AOPEP: variants seen among roughly 807,000 people sequenced by gnomAD.
AOPEP encodes aminopeptidase O.
AOPEP carries 77 observed loss-of-function variants against 98.1 expected under a neutral mutation model. That is an observed-to-expected ratio of 0.78 (90% CI 0.65 to 0.95). The LOEUF is 0.95. AOPEP is among the 40% of genes least tolerant of loss of function. The pLI is 0.00. For synonymous variants in AOPEP, 346 were observed against 365.3 expected, an observed-to-expected ratio of 0.95 and a Z score of 0.60; for missense variants, 1,024 against 1,024.7, an observed-to-expected ratio of 1.00 and a Z score of 0.01.
chr9:94,777,249 G>A (rs554483679), intron 3 of AOPEP, among the ~76,000 whole-genome samples: 7 of 152,046 alleles, frequency 4.6e-5, no homozygotes, highest in African/African-American at 1.2e-4. Context: ...TGGCTAACAC[G>A]GTGAAACCCA....
At chr9:95,059,142 T>C (rs1413977128) in intron 13 of AOPEP, among the ~76,000 whole-genome samples, 1 of 152,244 alleles carries the variant, frequency 6.6e-6, no homozygotes, top group Non-Finnish European at 1.5e-5. Flanking sequence ...TAATTTGATA[T>C]CTTTAAAACA....
intron 1 of AOPEP, among the ~76,000 whole-genome samples, chr9:94,736,358 AG>A (rs112717162): frequency 0.065 from 9,950 of 152,260 alleles, 1,073 homozygotes; most frequent in African/African-American, 0.23. Context: ...GACTTGTTTA[AG>A]GACTATATTT....
the AOPEP span, among the ~76,000 whole-genome samples, chr9:95,124,044 C>A: frequency 7.3e-6 from 1 of 136,374 alleles, no homozygotes; most frequent in Non-Finnish European, 1.5e-5. Flanking sequence ...GTTGAGACTG[C>A]AGTAAACTGA....
Position 95,086,777 on chromosome 9 carries a change from G to A in AOPEP, c.*100G>A. On this transcript the variant is annotated 3_prime_UTR_variant, in exon 17 of 17. Transcript: ENST00000375315. ...ACATCAAAGGAGGGATTATGTGGCTGCTAAAGCCATCGGCCCACAGCCCTG... is the reference window on the plus strand; with the variant it reads ...ACATCAAAGGAGGGATTATGTGGCTACTAAAGCCATCGGCCCACAGCCCTG... 3 of 988,056 alleles carry A rather than the reference G, an allele frequency of 3.0e-6. No individual in the cohort carries two copies. Among genetic ancestry groups the A allele is most frequent in the Non-Finnish European group, 3.6e-6 (3 of 830,154 alleles). The allele number at this position is 988,056 out of a possible 1,614,324, so 61.2% of individuals were successfully genotyped here. A position where few individuals can be genotyped will look rare whatever the true frequency, so the allele number is the denominator to read the frequency against.
the AOPEP span, chr9:95,110,979 G>A: frequency 3.5e-6 from 5 of 1,416,066 alleles, no homozygotes; most frequent in East Asian, 2.6e-5. Context: ...AGTAAGAGAT[G>A]TAAATAAAGC....
chr9:94,939,460 T>C (rs2056745691), intron 7 of AOPEP, among the ~76,000 whole-genome samples: 2 of 152,262 alleles, frequency 1.3e-5, no homozygotes, highest in South Asian at 4.1e-4. Flanking sequence ...TCTGAGGATA[T>C]GGATTGAGCT....
chr9:94,806,073 C>T (rs1245733519), intron 5 of AOPEP, among the ~76,000 whole-genome samples: 2 of 152,112 alleles, frequency 1.3e-5, no homozygotes, highest in African/African-American at 4.8e-5. Flanking sequence ...TTTAAACAAT[C>T]CTTCTTTAGA....
intron 5 of AOPEP, among the ~76,000 whole-genome samples, chr9:94,811,277 A>T (rs1272594183): frequency 1.3e-5 from 2 of 152,152 alleles, no homozygotes; most frequent in Non-Finnish European, 2.9e-5. Context: ...GCTTCTGGGC[A>T]CACCCACCTG....
chr9:94,896,016 C>T (rs1008128216), intron 5 of AOPEP, among the ~76,000 whole-genome samples: 10 of 152,100 alleles, frequency 6.6e-5, no homozygotes, highest in Non-Finnish European at 1.5e-4. Flanking sequence ...GAATGTTTGC[C>T]TATCTCTATT....
intron 11 of AOPEP, among the ~76,000 whole-genome samples, chr9:95,003,464 T>C (rs985548531): frequency 1.3e-5 from 2 of 152,182 alleles, no homozygotes; most frequent in Non-Finnish European, 2.9e-5. Context: ...AAAATTCTAG[T>C]GGGTAAAAGG....
chr9:94,942,512 GA>G (rs1482746224), intron 7 of AOPEP, among the ~76,000 whole-genome samples: 2 of 152,178 alleles, frequency 1.3e-5, no homozygotes, highest in Admixed American at 6.5e-5. Flanking sequence ...AATGGTTGAG[GA>G]CAGAAGGAAT....
At position 94,933,373 on chromosome 9, in the gene AOPEP, A is replaced by G. The variant is rs542467960; in HGVS notation, c.1661+4842A>G. The G allele has an allele frequency of 1.8e-5, 18 of 985,320 alleles. No individual in the cohort carries two copies. The South Asian group carries it at 8.5e-4, about 46-fold the overall frequency. 61.0% of individuals were successfully genotyped at this position (985,320 alleles called of 1,614,324 possible). A position where few individuals can be genotyped will look rare whatever the true frequency, so the allele number is the denominator to read the frequency against. ...GTCAGAAGAAATCTGTTGTTTTTTT[A>G]TTGTTTGTGATTTATTATGACTTCT... On this transcript the variant is annotated intron_variant, in intron 7 of 16. Coordinates refer to ENST00000375315, the MANE Select transcript of AOPEP (RefSeq NM_001193329.3).
chr9:94,731,696 T>C (rs1013256797), intron 1 of AOPEP, among the ~76,000 whole-genome samples: 1 of 152,078 alleles, frequency 6.6e-6, no homozygotes, highest in Non-Finnish European at 1.5e-5. Flanking sequence ...AAGTCTCTCG[T>C]TGGTAAAAGA....
intron 14 of AOPEP, among the ~76,000 whole-genome samples, chr9:95,061,274 T>G (rs1044779002): frequency 1.8e-4 from 28 of 152,228 alleles, no homozygotes; most frequent in African/African-American, 6.5e-4. Flanking sequence ...GAGAAAGCAA[T>G]GTGATATAGT....
At chr9:94,791,810 C>T (rs1287919819) in intron 3 of AOPEP, among the ~76,000 whole-genome samples, 1 of 151,998 alleles carries the variant, frequency 6.6e-6, no homozygotes, top group African/African-American at 2.4e-5. Context: ...CAAACTTGCA[C>T]CTGAACCTAA....
chr9:94,771,654 G>A (rs573244481), intron 2 of AOPEP, among the ~76,000 whole-genome samples: 1 of 152,058 alleles, frequency 6.6e-6, no homozygotes, highest in Non-Finnish European at 1.5e-5. Flanking sequence ...CTAGAAATAC[G>A]TTACTTCTGT....
intron 13 of AOPEP, among the ~76,000 whole-genome samples, chr9:95,040,522 CT>C (rs1462456621): frequency 1.3e-5 from 2 of 152,240 alleles, no homozygotes; most frequent in Non-Finnish European, 2.9e-5. Flanking sequence ...GCATTTCCCC[CT>C]GGGCTGCCTC....
chr9:95,038,150 G>A (rs1207160604), intron 13 of AOPEP, among the ~76,000 whole-genome samples: 1 of 152,102 alleles, frequency 6.6e-6, no homozygotes, highest in African/African-American at 2.4e-5. Flanking sequence ...GAGAAAAAAT[G>A]GGCTTTTAAG....
At position 94,928,476 on chromosome 9, in the gene AOPEP, T is replaced by C; in HGVS notation, c.1606T>C (p.Trp536Arg). The change falls in exon 7 of 17, where the codon TGG becomes CGG. Residue 536 changes from tryptophan to arginine, a missense_variant. Around this residue, in one of 3 missense-constraint regions of AOPEP, gnomAD observed 566 missense variants for 551.7 expected, o/e 1.03. Coordinates refer to ENST00000375315, the MANE Select transcript of AOPEP (RefSeq NM_001193329.3). Reference sequence around the variant, plus strand: ...GCAGGAGCTGAGGGCTTGTCTGCGCTGGCGTCGCCTCCAGGACGAGATGCA... The same window carrying C: ...GCAGGAGCTGAGGGCTTGTCTGCGCCGGCGTCGCCTCCAGGACGAGATGCA... ...EQQELRACLR[W>R]RRLQDEMQCS... 2 of 1,550,448 alleles carry C rather than the reference T, an allele frequency of 1.3e-6. No homozygotes were observed. Among genetic ancestry groups the C allele is most frequent in the Admixed American group, 2.0e-5 (1 of 51,006 alleles).
Sources: gnomAD v4.1 joint callset for allele counts (sites outside exome capture counted in the v4.1 genomes callset) on GRCh38, gnomAD v4.1.1 for gene constraint, gnomAD v4.1.1 regional missense constraint, MANE v1.5 for transcripts, NCBI Gene and HGNC (gene_info 2026-07-23, HGNC 2026-07-21) for gene names.